PSAT1: variants seen among roughly 807,000 people sequenced by gnomAD.
PSAT1 encodes the protein phosphoserine aminotransferase 1, also known as phosphoserine aminotransferase.
Under a neutral mutation model 40.3 loss-of-function variants are expected in PSAT1, and 41 were observed. The ratio of observed to expected loss-of-function variants is 1.02; its 90% CI spans 0.79 to 1.32. The LOEUF (loss-of-function observed/expected upper bound fraction) is 1.32. Among genes scored for constraint, PSAT1 ranks in the 40% most tolerant of loss-of-function variants. The probability of loss-of-function intolerance (pLI) is 0.00; values close to 1 mark genes in which losing one functional copy is unlikely to be tolerated. For missense variants in PSAT1, 406 were observed against 455.8 expected, an observed-to-expected ratio of 0.89 and a Z score of 0.99; for synonymous variants, 147 against 170.5, an observed-to-expected ratio of 0.86 and a Z score of 1.07.
chr9:78,300,853 C>T (rs1828097761), intron 2 of PSAT1, among the ~76,000 whole-genome samples, 191 bp downstream of exon 2: 1 of 151,566 alleles, frequency 6.6e-6, no homozygotes, highest in Admixed American at 6.6e-5. Flanking sequence ...GTAGCTAGGA[C>T]TATAGGTACA....
At chr9:78,307,382 T>C (rs1031778686) in intron 5 of PSAT1, among the ~76,000 whole-genome samples, 1 of 152,272 alleles carries the variant, frequency 6.6e-6, no homozygotes, top group African/African-American at 2.4e-5. Context: ...GGTTCGTCCA[T>C]GTTGTACTGT....
intron 7 of PSAT1, among the ~76,000 whole-genome samples, chr9:78,325,860 T>C (rs777988638): frequency 6.6e-5 from 10 of 152,232 alleles, no homozygotes; most frequent in Non-Finnish European, 1.2e-4. Flanking sequence ...ACTTTCATGA[T>C]AGGATGGGTA....
chr9:78,327,344 G>A (rs933271792), intron 7 of PSAT1, among the ~76,000 whole-genome samples: 1 of 152,084 alleles, frequency 6.6e-6, no homozygotes, highest in Non-Finnish European at 1.5e-5. Flanking sequence ...AGAGTCTGTT[G>A]TAAACTCTTG....
rs1007917196 is a variant in PSAT1 at position 78,325,631 on chromosome 9, C to T, written c.870-2420C>T. Among the ~76,000 whole-genome samples, 6 of 152,262 alleles carry T rather than the reference C, an allele frequency of 3.9e-5. No homozygotes were observed. The South Asian group carries it at 1.2e-3, about 31-fold the overall frequency. On this transcript the variant is annotated intron_variant, in intron 7 of 8. Transcript: ENST00000376588. ...TCCTTATCTGGCTTCTCTGCCTTTG[C>T]AGCCCTTGGCTGTTACAGCACTTCC...
intron 6 of PSAT1, among the ~76,000 whole-genome samples, chr9:78,309,597 A>G (rs1828237155): frequency 6.6e-6 from 1 of 152,234 alleles, no homozygotes; most frequent in Non-Finnish European, 1.5e-5. Flanking sequence ...TCCTGACCTC[A>G]GGTTATCCGC....
intron 7 of PSAT1, among the ~76,000 whole-genome samples, chr9:78,321,845 A>G (rs1828433929): frequency 1.3e-5 from 2 of 152,204 alleles, no homozygotes; most frequent in Admixed American, 1.3e-4. Context: ...TCATCTGTAC[A>G]ATGGAGGTAA....
chr9:78,303,181 T>C (rs1253755543), intron 3 of PSAT1, among the ~76,000 whole-genome samples: 2 of 152,212 alleles, frequency 1.3e-5, no homozygotes, highest in East Asian at 3.8e-4. Flanking sequence ...ATTGGAATTA[T>C]ACTGATTATT....
chr9:78,315,446 C>T lies in PSAT1; in HGVS notation c.741-2230C>T, dbSNP rs140601565. ...AGTAGACTTCAGGAAGTACTCATTC[C>T]CTTCTCTTACTTTCTCTCTTCTGTC... On this transcript the variant is annotated intron_variant, in intron 6 of 8. Transcript: ENST00000376588. 1.4e-3 allele frequency among the ~76,000 whole-genome samples: 211 copies of T among 152,284 alleles called. 4 individuals are homozygous for T. The highest frequency in any genetic ancestry group is 6.8e-3 in the Middle Eastern group (2 of 294).
chr9:78,317,876 G>A, intron 7 of PSAT1, 72 bp downstream of exon 7: 1 of 1,509,434 alleles, frequency 6.6e-7, no homozygotes. Flanking sequence ...GTGTACCTTT[G>A]AAAAGTGGAC....
rs1462124280 is a variant in PSAT1, at chr9:78,329,376, C to A, written c.*290C>A. The A allele has an allele frequency of 1.9e-5, 8 of 411,400 alleles. No homozygotes were observed. The Admixed American group carries it at 3.0e-4, about 15-fold the overall frequency. 25.5% of individuals were successfully genotyped at this position (411,400 alleles called of 1,614,324 possible). ...GCTGCTACTTTTTCTAGTTAGATTT[C>A]AAACTTGCCTGTGGACTTAATAATG... On this transcript the variant is annotated 3_prime_UTR_variant, in exon 9 of 9. Transcript: ENST00000376588.
intron 6 of PSAT1, among the ~76,000 whole-genome samples, chr9:78,315,659 T>C (rs923340843): frequency 2.0e-5 from 3 of 152,144 alleles, no homozygotes; most frequent in Non-Finnish European, 4.4e-5. Flanking sequence ...TGGATGTTTG[T>C]GGCTGCTGGC....
chr9:78,328,607 AAT>A (rs535911088), intron 8 of PSAT1, among the ~76,000 whole-genome samples: 1 of 151,796 alleles, frequency 6.6e-6, no homozygotes, highest in African/African-American at 2.4e-5. Flanking sequence ...AGCAGCAGGG[AAT>A]GTCCTCACAT....
intron 7 of PSAT1, among the ~76,000 whole-genome samples, chr9:78,318,744 T>TA (rs1828385443): frequency 6.6e-6 from 1 of 152,238 alleles, no homozygotes; most frequent in Non-Finnish European, 1.5e-5. Context: ...ATCCTTCACA[T>TA]AATGACATCT....
intron 2 of PSAT1, 141 bp downstream of exon 2, chr9:78,300,803 A>C: frequency 7.4e-7 from 1 of 1,346,344 alleles, no homozygotes. Context: ...GCAGCCTCCA[A>C]CTCCTGGGCT....
At chr9:78,312,431 C>T (rs765852319) in intron 6 of PSAT1, among the ~76,000 whole-genome samples, 1 of 152,166 alleles carries the variant, frequency 6.6e-6, no homozygotes, top group Non-Finnish European at 1.5e-5. Context: ...CGCAGTGGCT[C>T]ATGTCTGTAA....
intron 1 of PSAT1, among the ~76,000 whole-genome samples, chr9:78,298,974 A>G (rs1828066123): frequency 6.6e-6 from 1 of 151,940 alleles, no homozygotes; most frequent in South Asian, 2.1e-4. Flanking sequence ...GTTCTGTTTC[A>G]TTAAAAAAAT....
intron 1 of PSAT1, among the ~76,000 whole-genome samples, chr9:78,298,950 T>C (rs1828065892): frequency 6.6e-6 from 1 of 152,078 alleles, no homozygotes; most frequent in Non-Finnish European, 1.5e-5. Context: ...TTGTATTCTA[T>C]CCTGCTCTAG....
intron 7 of PSAT1, among the ~76,000 whole-genome samples, chr9:78,319,724 G>C (rs1828399379): frequency 6.6e-6 from 1 of 152,150 alleles, no homozygotes; most frequent in Non-Finnish European, 1.5e-5. Context: ...TATGAGCCCT[G>C]GTCATGAGTG....
At chr9:78,323,437 G>C (rs1244340462) in intron 7 of PSAT1, among the ~76,000 whole-genome samples, 1 of 151,974 alleles carries the variant, frequency 6.6e-6, no homozygotes, top group Non-Finnish European at 1.5e-5. Flanking sequence ...AAAATTAGCC[G>C]GGTGTGGTGG....
Sources: gnomAD v4.1 joint callset for allele counts (sites outside exome capture counted in the v4.1 genomes callset) on GRCh38, gnomAD v4.1.1 for gene constraint, MANE v1.5 for transcripts, NCBI Gene and HGNC (gene_info 2026-07-23, HGNC 2026-07-21) for gene names.